The following ANO2 variants were observed in gnomAD, a reference collection of about 807,000 sequenced individuals.
The protein encoded by ANO2 is anoctamin-2.
Under a neutral mutation model 124.2 loss-of-function variants are expected in ANO2, and 101 were observed. The ratio of observed to expected loss-of-function variants is 0.81; its 90% CI spans 0.69 to 0.96. ANO2 has a LOEUF of 0.96. Ranked by LOEUF, ANO2 falls within the 40% of genes least tolerant of loss-of-function variation. ANO2 has a pLI of 0.00. For missense variants in ANO2, 1,293 were observed against 1,274.5 expected (o/e 1.01, Z -0.22); for synonymous variants, 486 against 482.5 (o/e 1.01, Z -0.09).
intron 3 of ANO2, among the ~76,000 whole-genome samples, chr12:5,871,719 T>C (rs1937711491): frequency 6.6e-6 from 1 of 152,168 alleles, no homozygotes; most frequent in Admixed American, 6.5e-5. Context: ...ATGAAACCAG[T>C]CCCTGGTGCC....
At chr12:5,655,950 CT>C (rs1193327527) in intron 14 of ANO2, among the ~76,000 whole-genome samples, 2 of 152,200 alleles carry the variant, frequency 1.3e-5, no homozygotes, top group East Asian at 3.9e-4. Flanking sequence ...CACAGCTCTT[CT>C]TGACAGAGAG....
intron 4 of ANO2, among the ~76,000 whole-genome samples, chr12:5,844,792 AAGTGTTC>A (rs1280715052): frequency 6.6e-6 from 1 of 152,100 alleles, no homozygotes; most frequent in Non-Finnish European, 1.5e-5. Context: ...ATAGGTGTTC[AAGTGTTC>A]AGCAGAAAAA....
intron 20 of ANO2, among the ~76,000 whole-genome samples, chr12:5,593,460 G>C (rs897992244): frequency 4.6e-5 from 7 of 152,198 alleles, no homozygotes; most frequent in Non-Finnish European, 5.9e-5. Context: ...AAACATCTTG[G>C]AGTGTTTAGA....
intron 15 of ANO2, among the ~76,000 whole-genome samples, chr12:5,643,418 T>C (rs1461005824): frequency 6.6e-6 from 1 of 152,230 alleles, no homozygotes; most frequent in Non-Finnish European, 1.5e-5. Context: ...TTTAATTGTA[T>C]GAATATGCCT....
intron 7 of ANO2, among the ~76,000 whole-genome samples, chr12:5,825,946 G>A (rs892865457): frequency 2.6e-4 from 40 of 152,224 alleles, no homozygotes; most frequent in African/African-American, 9.4e-4. Flanking sequence ...GAAGAAGGTA[G>A]TCATCAACAC....
intron 14 of ANO2, among the ~76,000 whole-genome samples, chr12:5,719,199 C>G (rs890014426): frequency 1.3e-5 from 2 of 152,212 alleles, no homozygotes; most frequent in Non-Finnish European, 1.5e-5. Flanking sequence ...ACTGCCAGCG[C>G]CTTCACTTCT....
At chr12:5,844,868 T>TGTTTG (rs1381826209) in intron 4 of ANO2, among the ~76,000 whole-genome samples, 1 of 152,044 alleles carries the variant, frequency 6.6e-6, no homozygotes, top group Non-Finnish European at 1.5e-5. Flanking sequence ...TTTGTTTGTT[T>TGTTTG]GTTTTTACTA....
intron 19 of ANO2, among the ~76,000 whole-genome samples, chr12:5,608,379 A>T (rs944986593): frequency 2.6e-5 from 4 of 151,590 alleles, no homozygotes; most frequent in African/African-American, 9.7e-5. Flanking sequence ...GATTTGGCAA[A>T]AGAATTTTTG....
intron 3 of ANO2, among the ~76,000 whole-genome samples, chr12:5,913,419 A>G (rs1941174743): frequency 6.6e-6 from 1 of 152,230 alleles, no homozygotes; most frequent in South Asian, 2.1e-4. Flanking sequence ...AAAAGCCCAG[A>G]GTCCAGTGGG....
chr12:5,865,669 G>A (rs550479643), intron 3 of ANO2, among the ~76,000 whole-genome samples: 1 of 150,240 alleles, frequency 6.7e-6, no homozygotes, highest in South Asian at 2.1e-4. Context: ...ACGCTATCGT[G>A]CATTCACACT....
chr12:5,788,802 G>A (rs936780830), intron 10 of ANO2, among the ~76,000 whole-genome samples: 6 of 152,194 alleles, frequency 3.9e-5, no homozygotes, highest in East Asian at 1.9e-4. Context: ...CAGGTGATCC[G>A]CCCACCTCGG....
At chr12:5,675,314 C>T (rs974135659) in intron 14 of ANO2, among the ~76,000 whole-genome samples, 5 of 152,196 alleles carry the variant, frequency 3.3e-5, no homozygotes, top group Non-Finnish European at 5.9e-5. Flanking sequence ...TCCCATCGTG[C>T]TTCCATGATA....
At chr12:5,714,120 C>G (rs971857553) in intron 14 of ANO2, among the ~76,000 whole-genome samples, 3 of 152,240 alleles carry the variant, frequency 2.0e-5, no homozygotes, top group Non-Finnish European at 2.9e-5. Context: ...ATTCTTTTCA[C>G]TTTCCTACAA....
chr12:5,886,757 G>A (rs190370565), intron 3 of ANO2, among the ~76,000 whole-genome samples: 13 of 152,254 alleles, frequency 8.5e-5, no homozygotes, highest in Non-Finnish European at 1.5e-5. Flanking sequence ...CCTTAATATA[G>A]CTTTTTTTTA....
intron 3 of ANO2, among the ~76,000 whole-genome samples, chr12:5,886,821 A>G (rs926770942): frequency 2.6e-5 from 4 of 152,210 alleles, no homozygotes; most frequent in Non-Finnish European, 4.4e-5. Flanking sequence ...CATTATGTTA[A>G]GTGAAATAAA....
chr12:5,725,097 T>TCACACACACA (rs35973206), intron 14 of ANO2, among the ~76,000 whole-genome samples: 8 of 143,490 alleles, frequency 5.6e-5, no homozygotes, highest in African/African-American at 1.6e-4. Flanking sequence ...TGTCTCCCTC[T>TCACACACACA]CACACACACA....
At chr12:5,838,771 G>A (rs551128970) in intron 4 of ANO2, among the ~76,000 whole-genome samples, 2 of 152,272 alleles carry the variant, frequency 1.3e-5, no homozygotes, top group East Asian at 3.9e-4. Context: ...TTAAGCATCT[G>A]TCTCAAATTC....
chr12:5,842,485 T>G (rs1302681950), intron 4 of ANO2, among the ~76,000 whole-genome samples: 1 of 152,114 alleles, frequency 6.6e-6, no homozygotes, highest in Admixed American at 6.5e-5. Flanking sequence ...CAGGCAGCCC[T>G]CAGGGAGCAC....
chr12:5,672,786 T>C (rs1948075692), intron 14 of ANO2, among the ~76,000 whole-genome samples: 1 of 152,212 alleles, frequency 6.6e-6, no homozygotes, highest in Non-Finnish European at 1.5e-5. Flanking sequence ...AAGGATAGTT[T>C]GGGAGCACTT....
Sources: allele counts gnomAD v4.1 joint callset (sites outside exome capture counted in the v4.1 genomes callset), GRCh38; gene constraint gnomAD v4.1.1; transcripts MANE v1.5; gene names NCBI Gene and HGNC (gene_info 2026-07-23, HGNC 2026-07-21).